EIPR1: variants seen among roughly 807,000 people sequenced by gnomAD.
The protein encoded by EIPR1 is EARP and GARP complex-interacting protein 1.
A neutral mutation model predicts 48.1 loss-of-function variants in EIPR1; 25 were observed. That is an observed-to-expected ratio of 0.52 (90% CI 0.38 to 0.73). The LOEUF is 0.73. Among genes scored for constraint, EIPR1 ranks in the 30% least tolerant of loss-of-function variants. The pLI is 0.00. For missense variants in EIPR1, 415 were observed against 506.2 expected (o/e 0.82, Z 1.73); for synonymous variants, 204 against 201.9 (o/e 1.01, Z -0.09).
At chr2:3,200,105 G>T (rs978925284) in intron 5 of EIPR1, among the ~76,000 whole-genome samples, 11 of 152,094 alleles carry the variant, frequency 7.2e-5, no homozygotes, top group Admixed American at 4.6e-4. Context: ...GAATAGCCAT[G>T]GTGATAGTCA....
At chr2:3,230,903 T>C (rs957934630) in intron 4 of EIPR1, among the ~76,000 whole-genome samples, 1 of 152,206 alleles carries the variant, frequency 6.6e-6, no homozygotes, top group Non-Finnish European at 1.5e-5. Context: ...AGAACTTTGA[T>C]GGGGATTGCA....
chr2:3,208,498 T>G, intron 5 of EIPR1: 2 of 1,529,110 alleles, frequency 1.3e-6, no homozygotes, highest in Non-Finnish European at 1.8e-6. Context: ...CCCAATTATA[T>G]GATGAGGAGG....
chr2:3,373,953 G>A (rs529584658), intron 1 of EIPR1, among the ~76,000 whole-genome samples: 1 of 150,968 alleles, frequency 6.6e-6, no homozygotes, highest in Non-Finnish European at 1.5e-5. Flanking sequence ...AAAGCTGGAG[G>A]CATCACGCTA....
intron 3 of EIPR1, among the ~76,000 whole-genome samples, chr2:3,272,244 AGGCTGTTT>A (rs1169938190): frequency 6.6e-6 from 1 of 152,222 alleles, no homozygotes; most frequent in Non-Finnish European, 1.5e-5. Flanking sequence ...ATCAGCAAGA[AGGCTGTTT>A]GGCTTTCTTA....
chr2:3,217,980 T>C (rs10195591), intron 4 of EIPR1, among the ~76,000 whole-genome samples: 139,075 of 151,188 alleles, frequency 0.92, 64,193 homozygotes, highest in East Asian at 0.98. Flanking sequence ...AGCATGGCCC[T>C]GGTACACTCT....
chr2:3,226,010 C>T (rs1003724920), intron 4 of EIPR1, among the ~76,000 whole-genome samples: 3 of 152,234 alleles, frequency 2.0e-5, no homozygotes, highest in Admixed American at 1.3e-4. Context: ...CTATATGTAT[C>T]TACCACAATT....
At chr2:3,294,432 C>T (rs550666425) in intron 3 of EIPR1, among the ~76,000 whole-genome samples, 10 of 141,724 alleles carry the variant, frequency 7.1e-5, no homozygotes, top group Admixed American at 4.3e-4. Context: ...ACACACCCTC[C>T]ATCCAGCCCA....
Position 3,298,682 on chromosome 2 carries a change from A to C in EIPR1, c.259+39335T>G, listed in dbSNP as rs1342157576. On this transcript the variant is annotated intron_variant, in intron 3 of 8. Coordinates refer to ENST00000382125, the MANE Select transcript of EIPR1 (RefSeq NM_003310.5). ...TATACCAAGAGCTCACTCAGTATTC[A>C]GAAATGCTCCACACAAGGATTGACA... Among the ~76,000 whole-genome samples the C allele has an allele frequency of 2.0e-5, 3 of 152,100 alleles. No individual in the cohort carries two copies. The East Asian group carries it at 5.8e-4, about 29-fold the overall frequency.
chr2:3,245,982 G>T (rs891835017), intron 4 of EIPR1, among the ~76,000 whole-genome samples: 1 of 152,146 alleles, frequency 6.6e-6, no homozygotes, highest in Non-Finnish European at 1.5e-5. Flanking sequence ...TCCCAGCTTT[G>T]CAGGAGGTTG....
chr2:3,299,209 A>G (rs1452958880), intron 3 of EIPR1, among the ~76,000 whole-genome samples: 1 of 152,200 alleles, frequency 6.6e-6, no homozygotes, highest in African/African-American at 2.4e-5. Context: ...GTCTCTCCAC[A>G]GGGCCTCCCG....
At chr2:3,263,634 G>A (rs34276230) in intron 3 of EIPR1, among the ~76,000 whole-genome samples, 8,945 of 152,148 alleles carry the variant, frequency 0.059, 274 homozygotes, top group Non-Finnish European at 0.064. Context: ...AGCACAGTGC[G>A]GCCAGCGCCC....
At chr2:3,285,929 G>A (rs527260439) in intron 3 of EIPR1, among the ~76,000 whole-genome samples, 14 of 126,294 alleles carry the variant, frequency 1.1e-4, no homozygotes, top group Admixed American at 9.5e-4. Context: ...ACCGACTGTC[G>A]CCGGGACCCT....
At chr2:3,279,984 C>T (rs752129039) in intron 3 of EIPR1, among the ~76,000 whole-genome samples, 11 of 152,046 alleles carry the variant, frequency 7.2e-5, no homozygotes, top group African/African-American at 2.7e-4. Context: ...TTTGTAAGGA[C>T]GGAGAAAAGA....
chr2:3,223,805 C>T (rs1375946671), intron 4 of EIPR1, among the ~76,000 whole-genome samples: 2 of 152,100 alleles, frequency 1.3e-5, no homozygotes, highest in Admixed American at 6.5e-5. Context: ...AACGGCATGG[C>T]GGCATGCCTG....
In EIPR1 at chr2:3,237,190, A is replaced by G. The variant is rs1415092452; in HGVS notation, c.416+20109T>C. Among the ~76,000 whole-genome samples, 51 of 145,100 alleles carry G rather than the reference A, an allele frequency of 3.5e-4. 1 individual carries two copies. The highest frequency in any genetic ancestry group is 3.5e-3 in the Admixed American group (50 of 14,348). On this transcript the variant is annotated intron_variant, in intron 4 of 8. Transcript: ENST00000382125. ...CATTAACCTGAGGAAAGAAGATCTG[A>G]CTTTTCAGGATTAAGCTGTATTTTG...
chr2:3,269,392 C>T (rs1667610268), intron 3 of EIPR1, among the ~76,000 whole-genome samples: 1 of 139,614 alleles, frequency 7.2e-6, no homozygotes. Flanking sequence ...AGTCATCGCA[C>T]TCAGTCATCG....
intron 3 of EIPR1, chr2:3,318,891 C>T (rs750153777): frequency 4.0e-5 from 19 of 471,346 alleles, no homozygotes; most frequent in Middle Eastern, 3.2e-4. Context: ...CCTGGTGCAA[C>T]GTGTTTACAA....
intron 5 of EIPR1, among the ~76,000 whole-genome samples, chr2:3,206,442 G>T (rs985165667): frequency 6.6e-6 from 1 of 152,222 alleles, no homozygotes; most frequent in Non-Finnish European, 1.5e-5. Flanking sequence ...GAGCTGACCC[G>T]CATGAGAGTC....
At chr2:3,231,592 A>G (rs1405019939) in intron 4 of EIPR1, among the ~76,000 whole-genome samples, 1 of 152,202 alleles carries the variant, frequency 6.6e-6, no homozygotes, top group Non-Finnish European at 1.5e-5. Flanking sequence ...CTCTACTGAG[A>G]TGCTTGTATG....
Sources: allele counts gnomAD v4.1 joint callset (sites outside exome capture counted in the v4.1 genomes callset), GRCh38; gene constraint gnomAD v4.1.1; transcripts MANE v1.5; gene names NCBI Gene and HGNC (gene_info 2026-07-23, HGNC 2026-07-21).